PAN3: variants seen among roughly 807,000 people sequenced by gnomAD.
The protein encoded by PAN3 is poly(A) specific ribonuclease subunit PAN3.
PAN3 carries 19 observed loss-of-function variants against 96.2 expected under a neutral mutation model. The observed-to-expected ratio is 0.20, with a 90% CI of 0.14 to 0.29. The LOEUF (loss-of-function observed/expected upper bound fraction) is 0.29. PAN3 is among the 10% of genes least tolerant of loss of function. PAN3 has a pLI of 1.00. For synonymous variants in PAN3, 433 were observed against 406.6 expected, an observed-to-expected ratio of 1.06 and a Z score of -0.78; for missense variants, 882 against 1,108.1, an observed-to-expected ratio of 0.80 and a Z score of 2.90.
intron 1 of PAN3, among the ~76,000 whole-genome samples, chr13:28,145,974 G>A (rs973877285): frequency 2.0e-5 from 3 of 151,852 alleles, no homozygotes; most frequent in Admixed American, 1.3e-4. Context: ...CACCATGTTG[G>A]CCAGGCTGGT....
chr13:28,223,747 A>G (rs998698896), intron 6 of PAN3, among the ~76,000 whole-genome samples: 5 of 151,500 alleles, frequency 3.3e-5, no homozygotes, highest in African/African-American at 9.7e-5. Context: ...CTAAAGATAC[A>G]TTTTTCTAGT....
intron 5 of PAN3, chr13:28,215,558 A>G (rs1880643060): frequency 7.1e-6 from 5 of 709,032 alleles, no homozygotes; most frequent in Non-Finnish European, 1.2e-5. Flanking sequence ...TGAACCATTC[A>G]GGCTAAATCA....
chr13:28,238,869 G>C (rs1161833746), intron 6 of PAN3, among the ~76,000 whole-genome samples: 1 of 150,768 alleles, frequency 6.6e-6, no homozygotes, highest in Non-Finnish European at 1.5e-5. Context: ...CCCTTGTTTT[G>C]TTATGGCATA....
chr13:28,228,346 T>G (rs1207247521), intron 6 of PAN3, among the ~76,000 whole-genome samples: 1 of 152,160 alleles, frequency 6.6e-6, no homozygotes, highest in East Asian at 1.9e-4. Flanking sequence ...AGGTAGGGTC[T>G]TAGTAAAAGG....
chr13:28,162,012 C>G (rs1872935095), intron 1 of PAN3, among the ~76,000 whole-genome samples: 1 of 152,144 alleles, frequency 6.6e-6, no homozygotes, highest in African/African-American at 2.4e-5. Context: ...CACTCTATTA[C>G]AAAGAGCATA....
chr13:28,225,954 G>A (rs894711843), intron 6 of PAN3, among the ~76,000 whole-genome samples: 4 of 152,082 alleles, frequency 2.6e-5, no homozygotes, highest in Non-Finnish European at 4.4e-5. Context: ...CACTAGTGTG[G>A]GTAAAATTAA....
intron 4 of PAN3, among the ~76,000 whole-genome samples, chr13:28,191,975 A>G (rs1393539303): frequency 2.6e-5 from 4 of 151,488 alleles, no homozygotes; most frequent in African/African-American, 9.7e-5. Context: ...CGGCTCAAAC[A>G]GTGCTCTCAT....
intron 6 of PAN3, among the ~76,000 whole-genome samples, chr13:28,237,156 CATGGAAAAATTA>C (rs1376306376): frequency 1.3e-5 from 2 of 150,968 alleles, no homozygotes; most frequent in African/African-American, 4.9e-5. Flanking sequence ...TGGGCTGGAA[CATGGAAAAATTA>C]ATGGAAAATG....
intron 6 of PAN3, chr13:28,239,603 C>G: frequency 7.8e-7 from 1 of 1,289,334 alleles, no homozygotes; most frequent in Non-Finnish European, 1.0e-6. Context: ...TCTGAGTCAG[C>G]ACTGGACTTG....
chr13:28,142,285 C>A (rs1336729300), intron 1 of PAN3, among the ~76,000 whole-genome samples: 1 of 152,102 alleles, frequency 6.6e-6, no homozygotes, highest in African/African-American at 2.4e-5. Context: ...AGACTGCTTT[C>A]TACCTTTTAC....
At chr13:28,201,730 C>T (rs1878732295) in intron 5 of PAN3, among the ~76,000 whole-genome samples, 1 of 152,052 alleles carries the variant, frequency 6.6e-6, no homozygotes, top group Non-Finnish European at 1.5e-5. Context: ...TTGTTTCGTC[C>T]CTGGCTCCAT....
intron 6 of PAN3, among the ~76,000 whole-genome samples, chr13:28,247,606 T>G (rs576412604): frequency 6.6e-6 from 1 of 152,208 alleles, no homozygotes; most frequent in East Asian, 1.9e-4. Context: ...TCTTTGCATA[T>G]GGTAAGAGAA....
chr13:28,194,462 ATATATTTT>A (rs1877741449), intron 4 of PAN3, among the ~76,000 whole-genome samples: 1 of 101,426 alleles, frequency 9.9e-6, no homozygotes. Context: ...ATATATATAT[ATATATTTT>A]TTTTTTTTTT....
At chr13:28,154,660 A>T (rs1245093529) in intron 1 of PAN3, among the ~76,000 whole-genome samples, 1 of 151,468 alleles carries the variant, frequency 6.6e-6, no homozygotes, top group African/African-American at 2.4e-5. Flanking sequence ...ACGCCCAGCT[A>T]ATTTTTTGTA....
chr13:28,213,146 A>G (rs1880258440), intron 5 of PAN3, among the ~76,000 whole-genome samples: 1 of 152,156 alleles, frequency 6.6e-6, no homozygotes. Context: ...AAACCCAAAC[A>G]CCAAAAAAAT....
intron 5 of PAN3, among the ~76,000 whole-genome samples, chr13:28,208,917 G>GT (rs1218255855): frequency 6.6e-6 from 1 of 152,076 alleles, no homozygotes; most frequent in Non-Finnish European, 1.5e-5. Context: ...TTTCTTAGAA[G>GT]TTTTTTGTAA....
At chr13:28,222,270 T>C (rs1471791691) in intron 6 of PAN3, among the ~76,000 whole-genome samples, 2 of 152,152 alleles carry the variant, frequency 1.3e-5, no homozygotes, top group East Asian at 1.9e-4. Flanking sequence ...TGGTCCCAAT[T>C]GGACCTCACA....
chr13:28,236,509 G>C (rs1436177113), intron 6 of PAN3, among the ~76,000 whole-genome samples: 1 of 152,040 alleles, frequency 6.6e-6, no homozygotes, highest in African/African-American at 2.4e-5. Context: ...ATTTGAATGA[G>C]GATGTAAAGG....
chr13:28,181,564 C>T (rs2138139989), intron 4 of PAN3, among the ~76,000 whole-genome samples: 1 of 150,376 alleles, frequency 6.6e-6, no homozygotes, highest in Admixed American at 6.6e-5. Flanking sequence ...AGGGTCACAG[C>T]CATATATCTA....
Sources: gnomAD v4.1 joint callset for allele counts (sites outside exome capture counted in the v4.1 genomes callset) on GRCh38, gnomAD v4.1.1 for gene constraint, MANE v1.5 for transcripts, NCBI Gene and HGNC (gene_info 2026-07-23, HGNC 2026-07-21) for gene names.